The following GLIS1 variants were observed in gnomAD, a reference collection of about 807,000 sequenced individuals.
GLIS1 encodes GLIS family zinc finger 1.
In GLIS1, 24 loss-of-function variants were observed where a neutral mutation model predicts 63.8. The observed-to-expected ratio is 0.38, with a 90% CI of 0.27 to 0.53. The LOEUF (loss-of-function observed/expected upper bound fraction) is 0.53. GLIS1 is among the 20% of genes least tolerant of loss of function. The pLI is 0.85. For missense variants in GLIS1, 1,036 were observed against 1,074.1 expected, an observed-to-expected ratio of 0.96 and a Z score of 0.50; for synonymous variants, 450 against 482.5, an observed-to-expected ratio of 0.93 and a Z score of 0.88.
intron 2 of GLIS1, among the ~76,000 whole-genome samples, chr1:53,658,788 G>A (rs985940999): frequency 8.5e-5 from 13 of 152,308 alleles, no homozygotes; most frequent in African/African-American, 3.1e-4. Flanking sequence ...AGAGGACAAG[G>A]GTCAGCTTGT....
At chr1:53,613,566 T>A (rs1035582153) in intron 2 of GLIS1, among the ~76,000 whole-genome samples, 6 of 152,176 alleles carry the variant, frequency 3.9e-5, no homozygotes, top group Non-Finnish European at 7.4e-5. Context: ...AACCCTACCA[T>A]AATGCAATAA....
At chr1:53,596,520 A>G (rs529039375) in intron 3 of GLIS1, among the ~76,000 whole-genome samples, 2 of 152,254 alleles carry the variant, frequency 1.3e-5, no homozygotes, top group African/African-American at 4.8e-5. Context: ...ACCTCAGAGG[A>G]TGGCTGCCAG....
At chr1:53,686,290 C>T (rs370021489) in intron 2 of GLIS1, among the ~76,000 whole-genome samples, 2 of 152,152 alleles carry the variant, frequency 1.3e-5, no homozygotes, top group South Asian at 2.1e-4. Context: ...CAAGTCAGAC[C>T]GTGGCCCCTT....
intron 2 of GLIS1, among the ~76,000 whole-genome samples, chr1:53,708,571 G>A (rs1454980159): frequency 1.3e-5 from 2 of 152,028 alleles, no homozygotes; most frequent in African/African-American, 2.4e-5. Context: ...GAGTGTGCAC[G>A]GGACTGGTGT....
At chr1:53,582,155 A>T (rs1230532939) in intron 4 of GLIS1, among the ~76,000 whole-genome samples, 4 of 152,170 alleles carry the variant, frequency 2.6e-5, no homozygotes, top group Admixed American at 6.5e-5. Flanking sequence ...TCCTAATCAC[A>T]TACAGAGGAA....
At chr1:53,514,821 T>A in intron 7 of GLIS1, 40 bp from the exon 8 acceptor site, 1 of 1,519,146 alleles carries the variant, frequency 6.6e-7, no homozygotes, top group Non-Finnish European at 8.8e-7. Flanking sequence ...CTCTGGCCAC[T>A]CCCTAGAGAT....
At chr1:53,536,156 C>T (rs1644579575) in intron 4 of GLIS1, among the ~76,000 whole-genome samples, 1 of 152,032 alleles carries the variant, frequency 6.6e-6, no homozygotes, top group Non-Finnish European at 1.5e-5. Flanking sequence ...ATACAGGCAC[C>T]TTCTGTCGAG....
At chr1:53,514,378 G>A (rs930185715) in intron 8 of GLIS1, among the ~76,000 whole-genome samples, 3 of 152,168 alleles carry the variant, frequency 2.0e-5, no homozygotes, top group African/African-American at 7.2e-5. Context: ...TCCTCCAGTG[G>A]GGAGAAGAAG....
At chr1:53,545,454 T>G (rs74086357) in intron 4 of GLIS1, among the ~76,000 whole-genome samples, 1,944 of 152,318 alleles carry the variant, frequency 0.013, 46 homozygotes, top group African/African-American at 0.044. Context: ...ACTCGCTTAT[T>G]CACTCAGCTA....
chr1:53,693,575 C>T (rs1646431257), intron 2 of GLIS1, among the ~76,000 whole-genome samples: 1 of 152,218 alleles, frequency 6.6e-6, no homozygotes, highest in Non-Finnish European at 1.5e-5. Context: ...CTCACCCCCG[C>T]CCACAGATCC....
At chr1:53,576,535 C>T (rs993745597) in intron 4 of GLIS1, among the ~76,000 whole-genome samples, 79 of 152,262 alleles carry the variant, frequency 5.2e-4, no homozygotes, top group African/African-American at 1.9e-3. Context: ...TCCCGCCTCC[C>T]CATCCACTGG....
Position 53,646,746 on chromosome 1 carries a change from G to A in GLIS1, c.260-46468C>T, listed in dbSNP as rs1320038859. Among the ~76,000 whole-genome samples the A allele has an allele frequency of 6.6e-6, 1 of 151,980 alleles. No individual in the cohort carries two copies. The highest frequency in any genetic ancestry group is 2.4e-5 in the African/African-American group (1 of 41,344). On this transcript the variant is annotated intron_variant, in intron 2 of 10. Transcript: ENST00000628545. This position sits in a 1 kb window ranked among gnomAD's most constrained non-coding sequence, Gnocchi z 4.2. Reference sequence around the variant, plus strand: ...GACTGTTTGAACCTGGTAGGCAGAGGTTGCAGTGAGTAGAGATCACACCAC... The same window carrying A: ...GACTGTTTGAACCTGGTAGGCAGAGATTGCAGTGAGTAGAGATCACACCAC...
chr1:53,715,540 G>A (rs370725270), intron 2 of GLIS1, among the ~76,000 whole-genome samples: 4 of 152,254 alleles, frequency 2.6e-5, no homozygotes, highest in South Asian at 2.1e-4. Context: ...CATTTACACC[G>A]GCTGCTGGGT....
chr1:53,626,037 C>T (rs116245044), intron 2 of GLIS1, among the ~76,000 whole-genome samples: 234 of 152,322 alleles, frequency 1.5e-3, no homozygotes, highest in Middle Eastern at 6.8e-3. Flanking sequence ...CTAGGGCTCA[C>T]GACAATGGGT....
At chr1:53,644,720 GAA>G (rs1489074425) in intron 2 of GLIS1, among the ~76,000 whole-genome samples, 3 of 152,160 alleles carry the variant, frequency 2.0e-5, no homozygotes, top group African/African-American at 7.2e-5. Context: ...AAATTAGAAG[GAA>G]AGAATTAAAC....
chr1:53,554,781 C>T (rs1644799999), intron 4 of GLIS1, among the ~76,000 whole-genome samples: 1 of 152,212 alleles, frequency 6.6e-6, no homozygotes, highest in Non-Finnish European at 1.5e-5. Flanking sequence ...GGCACATTCC[C>T]CTGAGAGCCA....
intron 4 of GLIS1, among the ~76,000 whole-genome samples, chr1:53,567,799 G>C (rs1221822830): frequency 2.0e-5 from 3 of 152,264 alleles, no homozygotes; most frequent in Admixed American, 2.0e-4. Context: ...TCCACGTGGT[G>C]TTGGGCCTGC....
rs372164436 is a variant in GLIS1, at chr1:53,705,007, C to T, written c.259+32799G>A. Among the ~76,000 whole-genome samples the T allele has an allele frequency of 2.6e-5, 4 of 152,288 alleles. No individual in the cohort carries two copies. In the East Asian group the frequency reaches 5.8e-4, roughly 22 times the overall value. On this transcript the variant is annotated intron_variant, in intron 2 of 10. Coordinates refer to ENST00000628545, the MANE Select transcript of GLIS1 (RefSeq NM_001367484.1). ...CAGGGGAGGAGACATGAAGAGGGAG[C>T]GCATGAATTCACACCTGCCCCCAAC...
At chr1:53,530,253 G>A (rs922222162) in intron 4 of GLIS1, among the ~76,000 whole-genome samples, 35 of 152,236 alleles carry the variant, frequency 2.3e-4, no homozygotes, top group Non-Finnish European at 8.8e-5. Flanking sequence ...ATCTGGAAAC[G>A]AGGCACTTGC....
Sources: gnomAD v4.1 joint callset for allele counts (sites outside exome capture counted in the v4.1 genomes callset) on GRCh38, gnomAD v4.1.1 for gene constraint, Gnocchi (gnomAD v3.1) non-coding constraint, MANE v1.5 for transcripts, NCBI Gene and HGNC (gene_info 2026-07-23, HGNC 2026-07-21) for gene names.